The following GPC6 variants were observed in gnomAD, a reference collection of about 807,000 sequenced individuals.
The protein encoded by GPC6 is glypican 6.
A neutral mutation model predicts 55.2 loss-of-function variants in GPC6; 14 were observed. That is an observed-to-expected ratio of 0.25 (90% CI 0.17 to 0.40). GPC6 has a LOEUF of 0.40. Among genes scored for constraint, GPC6 ranks in the 10% least tolerant of loss-of-function variants. The probability of loss-of-function intolerance (pLI) is 1.00; values close to 1 mark genes in which losing one functional copy is unlikely to be tolerated. For synonymous variants in GPC6, 278 were observed against 259.6 expected (o/e 1.07, Z -0.68); for missense variants, 641 against 708.5 (o/e 0.90, Z 1.08).
At chr13:93,555,234 A>G (rs764063805) in intron 2 of GPC6, among the ~76,000 whole-genome samples, 8 of 152,050 alleles carry the variant, frequency 5.3e-5, no homozygotes, top group Admixed American at 6.6e-5. Context: ...ACATTTTATC[A>G]TTTTCACTTA....
chr13:93,821,470 A>C (rs1009081670), intron 2 of GPC6, among the ~76,000 whole-genome samples: 5 of 151,952 alleles, frequency 3.3e-5, no homozygotes, highest in Non-Finnish European at 7.4e-5. Flanking sequence ...TGGGTGCTGA[A>C]CCTCTCCAGG....
chr13:93,429,832 A>G (rs1172915501), intron 1 of GPC6, among the ~76,000 whole-genome samples: 1 of 152,236 alleles, frequency 6.6e-6, no homozygotes, highest in East Asian at 1.9e-4. Flanking sequence ...CACATGAAAT[A>G]AATGACAAAT....
intron 2 of GPC6, among the ~76,000 whole-genome samples, chr13:93,641,439 T>A (rs1273744284): frequency 6.6e-6 from 1 of 152,150 alleles, no homozygotes; most frequent in Non-Finnish European, 1.5e-5. Flanking sequence ...ACTGAGCAAC[T>A]TTTGGCAACA....
chr13:93,716,311 G>A (rs1370965387), intron 2 of GPC6, among the ~76,000 whole-genome samples: 4 of 151,580 alleles, frequency 2.6e-5, no homozygotes, highest in African/African-American at 9.7e-5. Context: ...TCCTTCAGGA[G>A]GTCTTCTAGG....
intron 2 of GPC6, among the ~76,000 whole-genome samples, chr13:93,722,675 T>C (rs1329276384): frequency 6.6e-6 from 1 of 151,916 alleles, no homozygotes; most frequent in Non-Finnish European, 1.5e-5. Context: ...ACAAACTGGG[T>C]TGCTTAAAAC....
intron 1 of GPC6, among the ~76,000 whole-genome samples, chr13:93,293,630 A>G (rs1205689627): frequency 6.6e-6 from 1 of 152,188 alleles, no homozygotes; most frequent in Non-Finnish European, 1.5e-5. Context: ...AATGGAATGC[A>G]GTGTCATTGA....
At chr13:94,172,858 C>G (rs1465809518) in intron 4 of GPC6, among the ~76,000 whole-genome samples, 1 of 152,120 alleles carries the variant, frequency 6.6e-6, no homozygotes, top group Non-Finnish European at 1.5e-5. Context: ...AAGGCTTGAG[C>G]TGAGTAAAGT....
chr13:93,903,493 C>G (rs568928359), intron 3 of GPC6, among the ~76,000 whole-genome samples: 11 of 152,174 alleles, frequency 7.2e-5, no homozygotes, highest in African/African-American at 2.4e-4. Flanking sequence ...TCTTAATGCT[C>G]TTACATTTAA....
intron 3 of GPC6, among the ~76,000 whole-genome samples, chr13:93,862,876 G>C (rs761461889): frequency 6.6e-6 from 1 of 151,394 alleles, no homozygotes; most frequent in Non-Finnish European, 1.5e-5. Flanking sequence ...TCTCTGGTTA[G>C]ACCCACTCTT....
chr13:94,363,485 T>C (rs1474830588), intron 6 of GPC6, among the ~76,000 whole-genome samples: 2 of 152,142 alleles, frequency 1.3e-5, no homozygotes, highest in Admixed American at 6.5e-5. Context: ...CAGAGAAAAA[T>C]GAGTTCTGTT....
intron 7 of GPC6, among the ~76,000 whole-genome samples, chr13:94,387,438 T>G (rs1880456661): frequency 6.6e-6 from 1 of 152,218 alleles, no homozygotes; most frequent in East Asian, 1.9e-4. Context: ...CTCTTTCTCC[T>G]GGGACAATGT....
chr13:94,091,538 T>C (rs1885479314), intron 4 of GPC6, among the ~76,000 whole-genome samples: 1 of 152,156 alleles, frequency 6.6e-6, no homozygotes, highest in African/African-American at 2.4e-5. Context: ...CAGATATCTG[T>C]GGAGTTCTGC....
chr13:94,193,366 C>G (rs1456404698), intron 4 of GPC6, among the ~76,000 whole-genome samples: 1 of 152,076 alleles, frequency 6.6e-6, no homozygotes, highest in Non-Finnish European at 1.5e-5. Context: ...GCTGGTGAGG[C>G]TGTAATTTTC....
intron 3 of GPC6, among the ~76,000 whole-genome samples, chr13:94,018,690 C>A (rs1038409786): frequency 6.6e-6 from 1 of 152,276 alleles, no homozygotes; most frequent in East Asian, 1.9e-4. Context: ...TAGCAGGGGT[C>A]CCCAACCCCC....
At chr13:94,396,784 G>A (rs1226844893) in intron 7 of GPC6, among the ~76,000 whole-genome samples, 1 of 152,174 alleles carries the variant, frequency 6.6e-6, no homozygotes, top group African/African-American at 2.4e-5. Flanking sequence ...CCCTTTGATT[G>A]CTGAGCTATA....
intron 2 of GPC6, among the ~76,000 whole-genome samples, chr13:93,789,579 C>CTA (rs1469500863): frequency 3.4e-5 from 2 of 59,024 alleles, no homozygotes; most frequent in Non-Finnish European, 6.9e-5. Flanking sequence ...TATATAAATA[C>CTA]TATATATATA....
At chr13:93,794,316 G>A (rs1245764699) in intron 2 of GPC6, among the ~76,000 whole-genome samples, 1 of 152,184 alleles carries the variant, frequency 6.6e-6, no homozygotes, top group Non-Finnish European at 1.5e-5. Context: ...TGGGAACTTG[G>A]TAGAAATGCA....
At chr13:93,753,035 C>G (rs1027779130) in intron 2 of GPC6, among the ~76,000 whole-genome samples, 1 of 152,170 alleles carries the variant, frequency 6.6e-6, no homozygotes, top group African/African-American at 2.4e-5. Context: ...TAGTTTTAAG[C>G]TACTGAAAGA....
At chr13:93,420,498 A>G (rs1351456378) in intron 1 of GPC6, among the ~76,000 whole-genome samples, 1 of 152,112 alleles carries the variant, frequency 6.6e-6, no homozygotes, top group African/African-American at 2.4e-5. Flanking sequence ...AAGAGTGGGA[A>G]TGAGGTGAGG....
Sources: gnomAD v4.1 joint callset for allele counts (sites outside exome capture counted in the v4.1 genomes callset) on GRCh38, gnomAD v4.1.1 for gene constraint, MANE v1.5 for transcripts, NCBI Gene and HGNC (gene_info 2026-07-23, HGNC 2026-07-21) for gene names.